The following CRAMP1 variants were observed in gnomAD, a reference collection of about 807,000 sequenced individuals.
CRAMP1 encodes cramped chromatin regulator 1.
In CRAMP1, 50 loss-of-function variants were observed where a neutral mutation model predicts 115.4. The ratio of observed to expected loss-of-function variants is 0.43; its 90% CI spans 0.35 to 0.55. The LOEUF is 0.55. Among genes scored for constraint, CRAMP1 ranks in the 20% least tolerant of loss-of-function variants. The probability of loss-of-function intolerance (pLI) is 0.01; values close to 1 mark genes in which losing one functional copy is unlikely to be tolerated. For missense variants in CRAMP1, 1,679 were observed against 1,721.7 expected, an observed-to-expected ratio of 0.98 and a Z score of 0.44; for synonymous variants, 866 against 745.4, an observed-to-expected ratio of 1.16 and a Z score of -2.64.
At position 1,666,900 on chromosome 16, in the gene CRAMP1, G is replaced by T. The variant is rs1173038404; in HGVS notation, c.3036+300G>T. Among the ~76,000 whole-genome samples the T allele has an allele frequency of 3.3e-5, 5 of 152,268 alleles. No homozygotes were observed. The highest frequency in any genetic ancestry group is 9.6e-5 in the African/African-American group (4 of 41,468). On this transcript the variant is annotated intron_variant, in intron 16 of 20. Transcript: ENST00000397412. This position sits in a 1 kb window ranked among gnomAD's most constrained non-coding sequence, Gnocchi z 5.0. ...CCAAGGTGGCAGCCCACAGCGCTGT[G>T]CTCGGACACCACTGAGCATCTCTTT... is the stretch of plus-strand genomic sequence containing the variant.
In CRAMP1 at chr16:1,667,405, A is replaced by T. The variant is rs762360577; in HGVS notation, c.3102+5A>T. On this transcript the variant is annotated splice_donor_5th_base_variant and intron_variant, in intron 17 of 20. Coordinates refer to ENST00000397412, the MANE Select transcript of CRAMP1 (RefSeq NM_020825.4). ...CCAGTGGCAGACAGTTTCCAGGTAG[A>T]GTGTGCTCTTGGGCTGCTGAGCAAA... 4 of 1,611,374 alleles carry T rather than the reference A, an allele frequency of 2.5e-6. No homozygotes were observed. The highest frequency in any genetic ancestry group is 2.2e-5 in the East Asian group (1 of 44,850).
intron 4 of CRAMP1, among the ~76,000 whole-genome samples, chr16:1,634,477 C>G (rs1039481799): frequency 1.3e-5 from 2 of 152,166 alleles, no homozygotes; most frequent in African/African-American, 4.8e-5. Flanking sequence ...AGGGTAAATG[C>G]TCCCTCACAC....
intron 6 of CRAMP1, among the ~76,000 whole-genome samples, chr16:1,649,057 T>TA (rs371246325): frequency 0.13 from 18,070 of 141,186 alleles, 1,533 homozygotes; most frequent in African/African-American, 0.26. Flanking sequence ...AGACTCCATC[T>TA]AAAAAAAAAA....
chr16:1,623,080 A>G (rs2036479312), intron 2 of CRAMP1, among the ~76,000 whole-genome samples: 2 of 152,130 alleles, frequency 1.3e-5, no homozygotes, highest in African/African-American at 4.8e-5. Context: ...TATTTTTAGT[A>G]GAGACAGGGT....
At chr16:1,617,467 C>A (rs1175215185) in intron 2 of CRAMP1, among the ~76,000 whole-genome samples, 1 of 152,224 alleles carries the variant, frequency 6.6e-6, no homozygotes, top group Non-Finnish European at 1.5e-5. Context: ...AGAGGAGAAT[C>A]CTCTTACATT....
chr16:1,623,506 T>C (rs1344113144), intron 2 of CRAMP1, among the ~76,000 whole-genome samples: 1 of 152,266 alleles, frequency 6.6e-6, no homozygotes, highest in Non-Finnish European at 1.5e-5. Flanking sequence ...TGTCTGTTAC[T>C]TTTTCAAATA....
rs908878726 is a variant in CRAMP1, at chr16:1,672,825, C to G, written c.3646-1056C>G. 6.6e-6 allele frequency among the ~76,000 whole-genome samples: 1 copy of G among 152,212 alleles called. No individual in the cohort carries two copies. The highest frequency in any genetic ancestry group is 1.5e-5 in the Non-Finnish European group (1 of 68,038). On this transcript the variant is annotated intron_variant, in intron 20 of 20. Coordinates refer to ENST00000397412, the MANE Select transcript of CRAMP1 (RefSeq NM_020825.4). The surrounding 1 kb of genome is among the most constrained non-coding windows in gnomAD (Gnocchi z 4.9). Reference sequence around the variant, plus strand: ...TGGGACAAGATCCCGGTGCCGAGGCCCTCCCGTCCTCCGTCTCCTCAGCTC... The same window carrying G: ...TGGGACAAGATCCCGGTGCCGAGGCGCTCCCGTCCTCCGTCTCCTCAGCTC...
chr16:1,614,987 T>C lies in CRAMP1; in HGVS notation c.346+2T>C. 8.0e-7 allele frequency: 1 copy of C among 1,249,770 alleles called. No homozygotes were observed. Among genetic ancestry groups the C allele is most frequent in the Non-Finnish European group, 1.0e-6 (1 of 996,016 alleles). The allele number at this position is 1,249,770 out of a possible 1,614,324, so 77.4% of individuals were successfully genotyped here. A position where few individuals can be genotyped will look rare whatever the true frequency, so the allele number is the denominator to read the frequency against. On this transcript the variant is annotated splice_donor_variant, in intron 2 of 20. Transcript: ENST00000397412. LOFTEE classifies it high-confidence loss of function. The surrounding 1 kb of genome is among the most constrained non-coding windows in gnomAD (Gnocchi z 4.4). Reference sequence around the variant, plus strand: ...GTGGCTCGGGGCCCCGCGGAAAAGGTAGGGCGGCCCGTCCCCTTGGGAGAC... The same window carrying C: ...GTGGCTCGGGGCCCCGCGGAAAAGGCAGGGCGGCCCGTCCCCTTGGGAGAC...
chr16:1,656,097 T>A lies in CRAMP1; in HGVS notation c.1340T>A (p.Ile447Asn). Reference sequence around the variant, plus strand: ...GCCCACGTGCTGCCCCCAGCCCAGATCCTGGGCATCCAGAGTGGGCAGGGC... The same window carrying A: ...GCCCACGTGCTGCCCCCAGCCCAGAACCTGGGCATCCAGAGTGGGCAGGGC... ...KDAHVLPPAQ[I>N]LGIQSGQGTA... is the part of the protein sequence containing the mutation. Residue 447 changes from isoleucine (I) to asparagine (N), a missense_variant, in exon 10 of 21, where the codon ATC becomes AAC. This residue lies in a region of CRAMP1 where 191 missense variants were observed against 236.2 expected (regional missense o/e 0.81). Transcript: ENST00000397412. The surrounding 1 kb of genome is among the most constrained non-coding windows in gnomAD (Gnocchi z 5.6). The A allele has an allele frequency of 6.2e-7, 1 of 1,609,868 alleles. No individual in the cohort carries two copies. Among genetic ancestry groups the A allele is most frequent in the Non-Finnish European group, 8.5e-7 (1 of 1,178,812 alleles).
In CRAMP1 at chr16:1,674,792, T is replaced by G. The variant is rs914951196; in HGVS notation, c.*747T>G. The G allele has an allele frequency of 6.6e-6, 1 of 152,236 alleles. No homozygotes were observed. The highest frequency in any genetic ancestry group is 1.5e-5 in the Non-Finnish European group (1 of 68,064). 9.4% of individuals were successfully genotyped at this position (152,236 alleles called of 1,614,324 possible). On this transcript the variant is annotated 3_prime_UTR_variant, in exon 21 of 21. Coordinates refer to ENST00000397412, the MANE Select transcript of CRAMP1 (RefSeq NM_020825.4). ...CTTGTGTTTTAAGAATTAGGAGACA[T>G]GGAAGAGGAAGAACAAAGTCCCCTC...
intron 16 of CRAMP1, 82 bp from the exon 17 acceptor site, chr16:1,667,253 T>C (rs2036883641): frequency 8.5e-7 from 1 of 1,176,518 alleles, no homozygotes; most frequent in Non-Finnish European, 1.3e-6. Context: ...AACGCCTCTT[T>C]TTCTGGAACT....
chr16:1,644,436 G>GCCC (rs2036657139), intron 6 of CRAMP1, among the ~76,000 whole-genome samples: 2 of 152,236 alleles, frequency 1.3e-5, no homozygotes, highest in Middle Eastern at 3.2e-3. Context: ...CAGCTGTGGT[G>GCCC]TGGCAGCTGA....
In CRAMP1 at chr16:1,614,632, G is replaced by T; in HGVS notation, c.-1-7G>T. 8 of 1,242,840 alleles carry T rather than the reference G, an allele frequency of 6.4e-6. No homozygotes were observed. The highest frequency in any genetic ancestry group is 8.1e-6 in the Non-Finnish European group (8 of 988,298). The allele number at this position is 1,242,840 out of a possible 1,614,324, so 77.0% of individuals were successfully genotyped here. A position where few individuals can be genotyped will look rare whatever the true frequency, so the allele number is the denominator to read the frequency against. ...CTCACCGGCCGCCTCCCCTCTCCCG[G>T]CCGCAGGATGACAGTGAAGTTGGGC... On this transcript the variant is annotated splice_polypyrimidine_tract_variant and splice_region_variant and intron_variant, in intron 1 of 20. Coordinates refer to ENST00000397412, the MANE Select transcript of CRAMP1 (RefSeq NM_020825.4). This position sits in a 1 kb window ranked among gnomAD's most constrained non-coding sequence, Gnocchi z 4.4.
intron 8 of CRAMP1, 125 bp from the exon 9 acceptor site, chr16:1,655,094 G>A (rs1423029684): frequency 2.1e-5 from 16 of 762,650 alleles, no homozygotes; most frequent in Middle Eastern, 2.9e-4. Flanking sequence ...GCCCGCTCCC[G>A]GGTGCCTCTC....
Position 1,662,500 on chromosome 16 carries a change from C to T in CRAMP1, c.2424C>T (p.Asn808=), listed in dbSNP as rs751284326. Residue 808 remains asparagine (N), a synonymous_variant, in exon 12 of 21, where the codon AAC becomes AAT. Transcript: ENST00000397412. Reference sequence around the variant, plus strand: ...CCTCTCCTCTCCCAGGTTTGAGAAACCCTCCAAGACCCCTCTTGGTGCCTG... The same window carrying T: ...CCTCTCCTCTCCCAGGTTTGAGAAATCCTCCAAGACCCCTCTTGGTGCCTG... ...SSAPCSSGLR[N]PPRPLLVPGP... 3.7e-6 allele frequency: 6 copies of T among 1,613,582 alleles called. No individual in the cohort carries two copies. The South Asian group carries it at 6.6e-5, about 18-fold the overall frequency.
chr16:1,637,056 G>A (rs529862069), intron 4 of CRAMP1, among the ~76,000 whole-genome samples: 1 of 152,340 alleles, frequency 6.6e-6, no homozygotes, highest in East Asian at 1.9e-4. Flanking sequence ...ACTTTGGGAG[G>A]TTGAGACAGG....
At position 1,672,111 on chromosome 16, in the gene CRAMP1, C is replaced by G. The variant is rs906102459; in HGVS notation, c.3645+1302C>G. 6.6e-6 allele frequency among the ~76,000 whole-genome samples: 1 copy of G among 152,162 alleles called. No homozygotes were observed. On this transcript the variant is annotated intron_variant, in intron 20 of 20. Coordinates refer to ENST00000397412, the MANE Select transcript of CRAMP1 (RefSeq NM_020825.4). The surrounding 1 kb of genome is among the most constrained non-coding windows in gnomAD (Gnocchi z 4.9). ...CCTGAGGCAGCATGCTCACGCCATG[C>G]TGTTGAAAGGACGGGCCACAGCCCA...
chr16:1,637,416 G>A (rs1437741611), intron 4 of CRAMP1, among the ~76,000 whole-genome samples: 1 of 152,210 alleles, frequency 6.6e-6, no homozygotes, highest in Non-Finnish European at 1.5e-5. Context: ...CAGATCCACT[G>A]TCCTGGGAGG....
At position 1,662,779 on chromosome 16, in the gene CRAMP1, C is replaced by T. The variant is rs1009522026; in HGVS notation, c.2614C>T (p.Leu872=). ...CTTACAGATGCAGTCGGATTTCTTC[C>T]TGCCAAAGCCCCGGAAGCTGCGGAA... ...NSISMQSDFF[L]PKPRKLRNRH... is the part of the protein sequence containing the mutation. The change falls in exon 13 of 21, where the codon CTG becomes TTG. Residue 872 remains leucine, a synonymous_variant. Coordinates refer to ENST00000397412, the MANE Select transcript of CRAMP1 (RefSeq NM_020825.4). The T allele has an allele frequency of 2.5e-6, 4 of 1,613,828 alleles. No individual in the cohort carries two copies. The highest frequency in any genetic ancestry group is 3.4e-6 in the Non-Finnish European group (4 of 1,179,892).
Sources: gnomAD v4.1 joint callset for allele counts (sites outside exome capture counted in the v4.1 genomes callset) on GRCh38, gnomAD v4.1.1 for gene constraint, gnomAD v4.1.1 regional missense constraint, Gnocchi (gnomAD v3.1) non-coding constraint, MANE v1.5 for transcripts, NCBI Gene and HGNC (gene_info 2026-07-23, HGNC 2026-07-21) for gene names.